ACOXL: variants seen among roughly 807,000 people sequenced by gnomAD.
ACOXL encodes the protein acyl-CoA oxidase like.
In ACOXL, 70 loss-of-function variants were observed where a neutral mutation model predicts 71.9. The ratio of observed to expected loss-of-function variants is 0.97; its 90% CI spans 0.80 to 1.19. The LOEUF (loss-of-function observed/expected upper bound fraction) is 1.19, where lower values mean the gene tolerates loss of function less well. Ranked by LOEUF, ACOXL falls within the 50% of genes most tolerant of loss-of-function variation. ACOXL has a pLI of 0.00. For synonymous variants in ACOXL, 253 were observed against 281.6 expected (o/e 0.90, Z 1.02); for missense variants, 703 against 736.3 (o/e 0.95, Z 0.52).
chr2:110,787,533 C>CAAAAAAAAAAAAAA (rs1175271772), intron 3 of ACOXL, among the ~76,000 whole-genome samples: 3 of 53,630 alleles, frequency 5.6e-5, no homozygotes, highest in Non-Finnish European at 7.6e-5. Flanking sequence ...GACTCCGTCT[C>CAAAAAAAAAAAAAA]AAAAAAAAAA....
At chr2:110,858,331 CAG>C (rs1319169798) in intron 10 of ACOXL, among the ~76,000 whole-genome samples, 2 of 152,150 alleles carry the variant, frequency 1.3e-5, no homozygotes, top group Non-Finnish European at 2.9e-5. Context: ...GGGTGGGGAA[CAG>C]GGGATCCTTC....
At chr2:110,890,489 A>G (rs1209868722) in intron 10 of ACOXL, among the ~76,000 whole-genome samples, 1 of 152,152 alleles carries the variant, frequency 6.6e-6, no homozygotes, top group East Asian at 1.9e-4. Context: ...AATTTTGTGT[A>G]TGGTGTGAGG....
intron 15 of ACOXL, among the ~76,000 whole-genome samples, chr2:111,040,644 G>T (rs2065737168): frequency 6.6e-6 from 1 of 152,190 alleles, no homozygotes; most frequent in Admixed American, 6.5e-5. Context: ...GGGGGTGCAG[G>T]GTCCACGCGG....
intron 17 of ACOXL, among the ~76,000 whole-genome samples, chr2:111,102,554 CG>C (rs2069239008): frequency 6.6e-6 from 1 of 152,068 alleles, no homozygotes; most frequent in African/African-American, 2.4e-5. Context: ...TGCCCTTCTC[CG>C]TGAGTGTCTT....
At chr2:110,735,413 G>A (rs565572262) in intron 1 of ACOXL, among the ~76,000 whole-genome samples, 2 of 152,202 alleles carry the variant, frequency 1.3e-5, no homozygotes, top group African/African-American at 2.4e-5. Flanking sequence ...TTGTGGCAGC[G>A]TAGTGGTGAG....
Position 111,074,464 on chromosome 2 carries a change from C to A in ACOXL, c.1441-18401C>A, listed in dbSNP as rs36098788. 6.2e-3 allele frequency among the ~76,000 whole-genome samples: 950 copies of A among 152,146 alleles called. 7 individuals carry two copies. The highest frequency in any genetic ancestry group is 9.0e-3 in the Admixed American group (137 of 15,282). On this transcript the variant is annotated intron_variant, in intron 16 of 17. Transcript: ENST00000439055. ...TCAGGATAAGACAGTTCTCTTCTAT[C>A]CCTAGCTTCCTAAGAGATTTTTTTA...
chr2:110,736,712 C>T (rs936314062), intron 1 of ACOXL, among the ~76,000 whole-genome samples: 24 of 151,894 alleles, frequency 1.6e-4, no homozygotes, highest in African/African-American at 5.3e-4. Context: ...CCCCGCCTCC[C>T]GGGCTCACGC....
intron 14 of ACOXL, among the ~76,000 whole-genome samples, chr2:111,012,627 A>G (rs2064223042): frequency 6.6e-6 from 1 of 152,236 alleles, no homozygotes; most frequent in African/African-American, 2.4e-5. Context: ...AAATTAAATT[A>G]CAAATTAATA....
intron 9 of ACOXL, among the ~76,000 whole-genome samples, chr2:110,830,359 T>A (rs1689670922): frequency 6.6e-6 from 1 of 152,134 alleles, no homozygotes; most frequent in Admixed American, 6.5e-5. Flanking sequence ...TGTCTGCAGT[T>A]CCTTCCTCCC....
chr2:110,799,537 G>C (rs1426829489), intron 7 of ACOXL, among the ~76,000 whole-genome samples: 1 of 152,182 alleles, frequency 6.6e-6, no homozygotes, highest in African/African-American at 2.4e-5. Flanking sequence ...ACCGCTAACT[G>C]TGGGGCTTAA....
At chr2:110,924,441 C>T (rs1000192685) in intron 11 of ACOXL, among the ~76,000 whole-genome samples, 3 of 152,208 alleles carry the variant, frequency 2.0e-5, no homozygotes, top group Non-Finnish European at 2.9e-5. Context: ...TCCTTTCAAA[C>T]CTTGCTGCTG....
intron 12 of ACOXL, among the ~76,000 whole-genome samples, chr2:110,949,828 C>T (rs3789119): frequency 0.28 from 41,749 of 151,812 alleles, 5,896 homozygotes; most frequent in African/African-American, 0.32. Context: ...GTTATTTCTC[C>T]AAATCTACTG....
At chr2:110,854,737 AG>A (rs1385655388) in intron 10 of ACOXL, among the ~76,000 whole-genome samples, 1 of 152,222 alleles carries the variant, frequency 6.6e-6, no homozygotes, top group Non-Finnish European at 1.5e-5. Context: ...GCTTAACCCA[AG>A]GGAGAGGTGG....
intron 14 of ACOXL, among the ~76,000 whole-genome samples, chr2:111,027,932 T>G: frequency 6.6e-6 from 1 of 152,170 alleles, no homozygotes; most frequent in Non-Finnish European, 1.5e-5. Context: ...CACCTGTAAT[T>G]CCAGCAACTT....
intron 16 of ACOXL, among the ~76,000 whole-genome samples, chr2:111,058,431 G>A (rs1226935794): frequency 6.6e-6 from 1 of 152,178 alleles, no homozygotes; most frequent in African/African-American, 2.4e-5. Context: ...TATATGGGAA[G>A]TCACGCTGGA....
chr2:111,023,652 A>G (rs1411250273), intron 14 of ACOXL, among the ~76,000 whole-genome samples: 1 of 152,082 alleles, frequency 6.6e-6, no homozygotes, highest in Non-Finnish European at 1.5e-5. Flanking sequence ...AGGATGGAGG[A>G]TAATTGCCAA....
chr2:111,097,494 A>G (rs2068869489), intron 17 of ACOXL, among the ~76,000 whole-genome samples: 1 of 152,232 alleles, frequency 6.6e-6, no homozygotes, highest in South Asian at 2.1e-4. Flanking sequence ...CCAGTTCTTG[A>G]TTTCTAGCAC....
At chr2:110,785,599 G>A (rs1490568500) in intron 3 of ACOXL, among the ~76,000 whole-genome samples, 1 of 152,040 alleles carries the variant, frequency 6.6e-6, no homozygotes, top group Non-Finnish European at 1.5e-5. Context: ...GAATGACATA[G>A]CAATGGAAGA....
intron 12 of ACOXL, among the ~76,000 whole-genome samples, chr2:110,941,484 GA>G (rs2060866429): frequency 6.6e-6 from 1 of 151,958 alleles, no homozygotes; most frequent in Non-Finnish European, 1.5e-5. Flanking sequence ...CTGTTTGTTA[GA>G]AAAAAAATTA....
Sources: gnomAD v4.1 joint callset for allele counts (sites outside exome capture counted in the v4.1 genomes callset) on GRCh38, gnomAD v4.1.1 for gene constraint, MANE v1.5 for transcripts, NCBI Gene and HGNC (gene_info 2026-07-23, HGNC 2026-07-21) for gene names.